The following RBL1 variants were observed in gnomAD, a reference collection of about 807,000 sequenced individuals.
RBL1 encodes RB transcriptional corepressor like 1, also known as retinoblastoma-like protein 1.
Under a neutral mutation model 123.0 loss-of-function variants are expected in RBL1, and 82 were observed. The ratio of observed to expected loss-of-function variants is 0.67; its 90% CI spans 0.56 to 0.80. The LOEUF is 0.80. Among genes scored for constraint, RBL1 ranks in the 30% least tolerant of loss-of-function variants. The probability of loss-of-function intolerance (pLI) is 0.00; values close to 1 mark genes in which losing one functional copy is unlikely to be tolerated. For synonymous variants in RBL1, 405 were observed against 441.3 expected (o/e 0.92, Z 1.03); for missense variants, 1,171 against 1,299.6 (o/e 0.90, Z 1.52).
At chr20:37,089,539 G>A (rs1009857855) in intron 1 of RBL1, among the ~76,000 whole-genome samples, 19 of 152,000 alleles carry the variant, frequency 1.3e-4, no homozygotes, top group South Asian at 2.1e-4. Context: ...AGCTACTTGG[G>A]TGGCTGAGGC....
In RBL1 at chr20:37,012,963, T is replaced by TG. The variant is rs1403515255; in HGVS notation, c.2722+5315dup. On this transcript the variant is annotated intron_variant, in intron 19 of 21. Coordinates refer to ENST00000373664, the MANE Select transcript of RBL1 (RefSeq NM_002895.5). ...CCAGCCGCCCCGTCCGGGAGGGAGGTGGGGGGGTCAGCCCCCCGCCCGGCC... is the reference window on the plus strand; with the variant it reads ...CCAGCCGCCCCGTCCGGGAGGGAGGTGGGGGGGGTCAGCCCCCCGCCCGGCC... 1.3e-4 allele frequency among the ~76,000 whole-genome samples: 19 copies of TG among 141,540 alleles called. No individual in the cohort carries two copies. In the South Asian group the frequency reaches 2.7e-3, roughly 20 times the overall value. 92.9% of individuals were successfully genotyped at this position (141,540 alleles called of 152,430 possible).
At chr20:37,000,552 G>A (rs2063955534) in intron 21 of RBL1, among the ~76,000 whole-genome samples, 1 of 136,526 alleles carries the variant, frequency 7.3e-6, no homozygotes, top group African/African-American at 2.8e-5. Flanking sequence ...GGGAAGTGAG[G>A]AGCCCCTCTG....
rs181018864 is a variant in RBL1, at chr20:37,040,542, G to A, written c.1771-257C>T. Among the ~76,000 whole-genome samples, 7 of 152,062 alleles carry A rather than the reference G, an allele frequency of 4.6e-5. No individual in the cohort carries two copies. The East Asian group carries it at 1.2e-3, about 25-fold the overall frequency. On this transcript the variant is annotated intron_variant, in intron 13 of 21. Transcript: ENST00000373664. Reference sequence around the variant, plus strand: ...TAATTTTTGTATTTTTAGGAGAGACGAGGTTTCACCATGTTGGCCAGGCTG... The same window carrying A: ...TAATTTTTGTATTTTTAGGAGAGACAAGGTTTCACCATGTTGGCCAGGCTG...
intron 6 of RBL1, 108 bp downstream of exon 6, chr20:37,066,616 T>C: frequency 9.9e-7 from 1 of 1,005,696 alleles, no homozygotes; most frequent in Admixed American, 2.5e-5. Flanking sequence ...AGCCTGGGAA[T>C]CCTGACCCTA....
At chr20:37,069,072 G>C (rs554899021) in intron 2 of RBL1, among the ~76,000 whole-genome samples, 191 of 152,388 alleles carry the variant, frequency 1.3e-3, no homozygotes, top group African/African-American at 4.4e-3. Context: ...GCCCCTAACC[G>C]CAAGTGATCC....
chr20:37,032,678 A>T lies in RBL1; in HGVS notation c.2369T>A (p.Leu790Gln). The T allele has an allele frequency of 1.2e-6, 2 of 1,613,996 alleles. No individual in the cohort carries two copies. Among genetic ancestry groups the T allele is most frequent in the South Asian group, 2.2e-5 (2 of 91,042 alleles). ...NRPKRTGSLA[L>Q]FYRKVYHLAS... ...AAAAACACATACCTTTCTGTAAAAT[A>T]GTGCTAAGGACCCAGTTCTCTTTGG... The change falls in exon 16 of 22, where the codon CTA becomes CAA. Residue 790 changes from leucine (L) to glutamine (Q), a missense_variant. Transcript: ENST00000373664.
chr20:37,082,234 T>A (rs1450841063), intron 2 of RBL1, among the ~76,000 whole-genome samples: 1 of 152,146 alleles, frequency 6.6e-6, no homozygotes, highest in Non-Finnish European at 1.5e-5. Flanking sequence ...GATGATACAG[T>A]CAGCCCTGCA....
rs781137830 is a variant in RBL1 at position 37,061,263 on chromosome 20, A to T, written c.1090T>A (p.Ser364Thr). Reference protein sequence around the residue: ...NLQQHFEKKRSFAPSTPLTGR... With the variant: ...NLQQHFEKKRTFAPSTPLTGR... ...GTCAGTGGGGTAGAAGGTGCAAATG[A>T]CCTTTTCTGTCAGAAAAGAAAAATC... is the stretch of plus-strand genomic sequence containing the variant. Residue 364 changes from serine to threonine, a missense_variant, in exon 9 of 22, where the codon TCA becomes ACA. Ser to Thr is a moderately conservative substitution (Grantham distance 58). Transcript: ENST00000373664. 5.6e-6 allele frequency: 9 copies of T among 1,604,788 alleles called. No homozygotes were observed. The South Asian group carries it at 7.8e-5, about 14-fold the overall frequency.
intron 2 of RBL1, among the ~76,000 whole-genome samples, chr20:37,076,747 G>T (rs2065368806): frequency 6.6e-6 from 1 of 152,002 alleles, no homozygotes; most frequent in East Asian, 1.9e-4. Flanking sequence ...ATTTATCTTG[G>T]ACATGTTTTT....
intron 4 of RBL1, 45 bp from the exon 5 acceptor site, chr20:37,067,166 C>A (rs1228330131): frequency 6.4e-7 from 1 of 1,565,608 alleles, no homozygotes; most frequent in Non-Finnish European, 8.6e-7. Flanking sequence ...AAACCAGAAA[C>A]CTCTCATGTC....
At chr20:37,028,122 T>A (rs2064454000) in intron 16 of RBL1, among the ~76,000 whole-genome samples, 1 of 152,102 alleles carries the variant, frequency 6.6e-6, no homozygotes, top group Non-Finnish European at 1.5e-5. Flanking sequence ...CCCAGCACTT[T>A]GGGAGGCTGT....
intron 19 of RBL1, 38 bp from the exon 20 acceptor site, chr20:37,007,597 C>A: frequency 6.3e-7 from 1 of 1,598,762 alleles, no homozygotes; most frequent in Non-Finnish European, 8.5e-7. Context: ...ACAAAGCATA[C>A]TTTTTATTTT....
At chr20:37,063,949 A>G (rs1319899806) in intron 7 of RBL1, among the ~76,000 whole-genome samples, 4 of 151,470 alleles carry the variant, frequency 2.6e-5, no homozygotes, top group Non-Finnish European at 5.9e-5. Context: ...CAGCCTCCCA[A>G]GTAGCTGGGA....
intron 14 of RBL1, among the ~76,000 whole-genome samples, 168 bp downstream of exon 14, chr20:37,039,985 G>A (rs1192483307): frequency 6.6e-6 from 1 of 152,022 alleles, no homozygotes; most frequent in Non-Finnish European, 1.5e-5. Flanking sequence ...ATAATATAGT[G>A]TACAATGAGC....
chr20:37,022,806 T>A lies in RBL1; in HGVS notation c.2403A>T (p.Val801=). The part of the protein sequence containing the change: ...FYRKVYHLAS[V]RLRDLCLKLD... ...GTTTTAGACATAGATCACGTAAGCG[T>A]ACACTTGCCAAATGATAGACCTAAA... is the stretch of plus-strand genomic sequence containing the variant. The change falls in exon 17 of 22, where the codon GTA becomes GTT. Residue 801 remains valine (V), a synonymous_variant. Coordinates refer to ENST00000373664, the MANE Select transcript of RBL1 (RefSeq NM_002895.5). 6.2e-7 allele frequency: 1 copy of A among 1,610,816 alleles called. No individual in the cohort carries two copies. The highest frequency in any genetic ancestry group is 2.2e-5 in the East Asian group (1 of 44,870).
At chr20:37,023,350 TGA>T (rs1280994132) in intron 16 of RBL1, among the ~76,000 whole-genome samples, 2 of 152,148 alleles carry the variant, frequency 1.3e-5, no homozygotes, top group Non-Finnish European at 2.9e-5. Context: ...CTTTAACTCT[TGA>T]CCTCAAGTAA....
At chr20:37,042,306 C>A (rs2064742981) in intron 13 of RBL1, among the ~76,000 whole-genome samples, 1 of 151,992 alleles carries the variant, frequency 6.6e-6, no homozygotes, top group Non-Finnish European at 1.5e-5. Context: ...TCATCATTAG[C>A]CACCAGGGAA....
Position 37,012,721 on chromosome 20 carries a change from C to T in RBL1, c.2723-5162G>A, listed in dbSNP as rs555611423. Among the ~76,000 whole-genome samples, 19 of 151,828 alleles carry T rather than the reference C, an allele frequency of 1.3e-4. No homozygotes were observed. The East Asian group carries it at 3.7e-3, about 30-fold the overall frequency. On this transcript the variant is annotated intron_variant, in intron 19 of 21. Coordinates refer to ENST00000373664, the MANE Select transcript of RBL1 (RefSeq NM_002895.5). ...GGTCAACCCCCGCCAGGCCAGCCGC[C>T]CCGTCCGGGAGGGAGGTGGGGGGGT...
At chr20:37,094,761 C>T (rs551042727) in intron 1 of RBL1, among the ~76,000 whole-genome samples, 15 of 152,132 alleles carry the variant, frequency 9.9e-5, no homozygotes, top group Non-Finnish European at 1.9e-4. Flanking sequence ...CTCAGCCTCC[C>T]GAGTAGCTAG....
Sources: gnomAD v4.1 joint callset for allele counts (sites outside exome capture counted in the v4.1 genomes callset) on GRCh38, gnomAD v4.1.1 for gene constraint, MANE v1.5 for transcripts, NCBI Gene and HGNC (gene_info 2026-07-23, HGNC 2026-07-21) for gene names.